The following PLD5 variants were observed in gnomAD, a reference collection of about 807,000 sequenced individuals.
PLD5 encodes the protein phospholipase D family member 5.
PLD5 carries 36 observed loss-of-function variants against 61.1 expected under a neutral mutation model. That is an observed-to-expected ratio of 0.59 (90% CI 0.45 to 0.78). The LOEUF is 0.78. Ranked by LOEUF, PLD5 falls within the 30% of genes least tolerant of loss-of-function variation. The pLI, the probability that PLD5 is intolerant of heterozygous loss-of-function variation, is 0.00. For synonymous variants in PLD5, 243 were observed against 242.8 expected (o/e 1.00, Z -0.01); for missense variants, 515 against 644.4 (o/e 0.80, Z 2.17).
At chr1:242,390,930 C>T (rs1662889242) in intron 1 of PLD5, among the ~76,000 whole-genome samples, 1 of 152,110 alleles carries the variant, frequency 6.6e-6, no homozygotes, top group African/African-American at 2.4e-5. Context: ...CGGTGGCTCA[C>T]ACCTGTAATC....
intron 1 of PLD5, among the ~76,000 whole-genome samples, chr1:242,515,199 C>CGT (rs139035471): frequency 0.11 from 15,905 of 149,048 alleles, 1,300 homozygotes; most frequent in East Asian, 0.5. Flanking sequence ...TTTGTGTGTG[C>CGT]GTGTGTGTGT....
At chr1:242,310,703 G>A (rs906234371) in intron 2 of PLD5, among the ~76,000 whole-genome samples, 4 of 152,140 alleles carry the variant, frequency 2.6e-5, no homozygotes, top group African/African-American at 9.7e-5. Context: ...GAAAATAACA[G>A]AATTAAGGAA....
intron 1 of PLD5, among the ~76,000 whole-genome samples, chr1:242,360,350 T>G (rs1444622705): frequency 6.6e-6 from 1 of 152,202 alleles, no homozygotes; most frequent in Non-Finnish European, 1.5e-5. Flanking sequence ...ATTTTGTAAT[T>G]TATTTTCTTT....
intron 4 of PLD5, among the ~76,000 whole-genome samples, chr1:242,220,983 C>T (rs7536123): frequency 0.3 from 46,043 of 151,820 alleles, 7,274 homozygotes; most frequent in East Asian, 0.53. Flanking sequence ...GTGATCCACT[C>T]GCCTCGGCCT....
At chr1:242,506,068 C>T (rs1668708850) in intron 1 of PLD5, among the ~76,000 whole-genome samples, 1 of 152,150 alleles carries the variant, frequency 6.6e-6, no homozygotes, top group African/African-American at 2.4e-5. Flanking sequence ...AGTTCTGATA[C>T]ATGTTAGACC....
chr1:242,148,135 G>A (rs1272868999), intron 5 of PLD5, among the ~76,000 whole-genome samples: 1 of 151,584 alleles, frequency 6.6e-6, no homozygotes, highest in African/African-American at 2.4e-5. Context: ...TTTTCTTCTG[G>A]AAATTATATA....
At chr1:242,390,961 G>A (rs1324837006) in intron 1 of PLD5, among the ~76,000 whole-genome samples, 1 of 152,148 alleles carries the variant, frequency 6.6e-6, no homozygotes, top group Non-Finnish European at 1.5e-5. Context: ...GGGAGGCTGA[G>A]GCAGGCGGAT....
At chr1:242,483,377 A>G (rs1667850250) in intron 1 of PLD5, among the ~76,000 whole-genome samples, 1 of 152,218 alleles carries the variant, frequency 6.6e-6, no homozygotes, top group Non-Finnish European at 1.5e-5. Flanking sequence ...TACGAAGCAA[A>G]TGGAAAACAA....
At chr1:242,512,328 G>A (rs1193976464) in intron 1 of PLD5, among the ~76,000 whole-genome samples, 2 of 150,968 alleles carry the variant, frequency 1.3e-5, no homozygotes, top group Non-Finnish European at 2.9e-5. Flanking sequence ...GCTGAGGCAG[G>A]AGAATGGCAT....
At chr1:242,151,957 C>T (rs538385580) in intron 5 of PLD5, among the ~76,000 whole-genome samples, 3 of 151,878 alleles carry the variant, frequency 2.0e-5, no homozygotes, top group African/African-American at 4.8e-5. Flanking sequence ...ACTTGAAAAT[C>T]TATAGTATAA....
intron 4 of PLD5, among the ~76,000 whole-genome samples, chr1:242,247,638 C>A (rs191547838): frequency 6.6e-6 from 1 of 152,166 alleles, no homozygotes; most frequent in Admixed American, 6.5e-5. Flanking sequence ...GTCTGACCTC[C>A]GTTCTCATCA....
chr1:242,117,384 GA>G (rs1354468424), intron 6 of PLD5, among the ~76,000 whole-genome samples: 1 of 71,554 alleles, frequency 1.4e-5, no homozygotes. Flanking sequence ...TCTCCTCCAT[GA>G]ATTTTTTTTT....
chr1:242,252,610 T>G (rs1046009553), intron 4 of PLD5, among the ~76,000 whole-genome samples: 3 of 151,726 alleles, frequency 2.0e-5, no homozygotes, highest in African/African-American at 7.3e-5. Flanking sequence ...TGAACATAGA[T>G]GTGGAGACGA....
rs116232407 is a variant in PLD5, at chr1:242,238,441, C to T, written c.608-18326G>A. Among the ~76,000 whole-genome samples the T allele has an allele frequency of 3.6e-3, 547 of 152,282 alleles. 3 individuals carry two copies. The highest frequency in any genetic ancestry group is 0.013 in the African/African-American group (521 of 41,564). The stretch of plus-strand genomic sequence containing the variant: ...GATAGACTGGGGGCTGATGATGCCC[C>T]TTGCTAGCAGGCGGTCTAGCAGTCC... On this transcript the variant is annotated intron_variant, in intron 4 of 9. Coordinates refer to ENST00000536534, the MANE Select transcript of PLD5 (RefSeq NM_001372062.1).
At chr1:242,382,556 A>C (rs1558513877) in intron 1 of PLD5, among the ~76,000 whole-genome samples, 2 of 152,164 alleles carry the variant, frequency 1.3e-5, no homozygotes, top group African/African-American at 4.8e-5. Context: ...CTGTCAAATC[A>C]AGAAAGAGAA....
At chr1:242,166,835 T>G (rs1254289360) in intron 5 of PLD5, among the ~76,000 whole-genome samples, 1 of 152,116 alleles carries the variant, frequency 6.6e-6, no homozygotes, top group Non-Finnish European at 1.5e-5. Flanking sequence ...AATGGAGAAA[T>G]TCATCCTTCT....
At chr1:242,426,889 G>A (rs2102881744) in intron 1 of PLD5, among the ~76,000 whole-genome samples, 2 of 152,228 alleles carry the variant, frequency 1.3e-5, no homozygotes, top group South Asian at 4.1e-4. Context: ...GAAGTGATGT[G>A]CGCCACCACC....
chr1:242,277,139 T>C (rs2149121786), intron 3 of PLD5, among the ~76,000 whole-genome samples: 1 of 152,274 alleles, frequency 6.6e-6, no homozygotes, highest in South Asian at 2.1e-4. Flanking sequence ...ATCTTGGTAC[T>C]GCCTTTCAGC....
intron 1 of PLD5, among the ~76,000 whole-genome samples, chr1:242,417,344 C>T (rs1664886522): frequency 6.6e-6 from 1 of 152,184 alleles, no homozygotes; most frequent in Non-Finnish European, 1.5e-5. Flanking sequence ...AAACACCCGC[C>T]AGTGTTCCAT....
Sources: gnomAD v4.1 joint callset for allele counts (sites outside exome capture counted in the v4.1 genomes callset) on GRCh38, gnomAD v4.1.1 for gene constraint, MANE v1.5 for transcripts, NCBI Gene and HGNC (gene_info 2026-07-23, HGNC 2026-07-21) for gene names.